Variants in HHAT observed in about 807,000 individuals in gnomAD.
HHAT encodes the protein protein-cysteine N-palmitoyltransferase HHAT.
In HHAT, 47 loss-of-function variants were observed where a neutral mutation model predicts 70.8. That is an observed-to-expected ratio of 0.66 (90% CI 0.53 to 0.85). The LOEUF (loss-of-function observed/expected upper bound fraction) is 0.85. Ranked by LOEUF, HHAT falls within the 40% of genes least tolerant of loss-of-function variation. The pLI is 0.00. For synonymous variants in HHAT, 228 were observed against 247.6 expected (o/e 0.92, Z 0.74); for missense variants, 609 against 604.8 (o/e 1.01, Z -0.07).
intron 1 of HHAT, among the ~76,000 whole-genome samples, chr1:210,348,730 T>TGTGTGC (rs1035020278): frequency 5.2e-5 from 5 of 96,930 alleles, no homozygotes; most frequent in Admixed American, 1.2e-4. Flanking sequence ...GTGTGGTGTA[T>TGTGTGC]GTGTGCGTGT....
At chr1:210,541,415 A>G (rs186053314) in intron 9 of HHAT, among the ~76,000 whole-genome samples, 4 of 152,288 alleles carry the variant, frequency 2.6e-5, no homozygotes, top group Admixed American at 1.3e-4. Context: ...ACAGGCAGAC[A>G]TAAAGCTTGA....
intron 2 of HHAT, among the ~76,000 whole-genome samples, chr1:210,358,318 C>T (rs932178167): frequency 6.6e-6 from 1 of 152,258 alleles, no homozygotes; most frequent in East Asian, 1.9e-4. Context: ...CTCAGAATTT[C>T]TCAGGTGAGT....
At chr1:210,443,487 T>C (rs2148367649) in intron 7 of HHAT, among the ~76,000 whole-genome samples, 1 of 139,344 alleles carries the variant, frequency 7.2e-6, no homozygotes, top group East Asian at 2.2e-4. Flanking sequence ...GCATGGAATG[T>C]TCTTCCATTT....
chr1:210,637,398 A>G (rs1027178138), intron 11 of HHAT, among the ~76,000 whole-genome samples: 2 of 152,238 alleles, frequency 1.3e-5, no homozygotes, highest in African/African-American at 4.8e-5. Flanking sequence ...AACAGAAGAA[A>G]AAATAGATCA....
At chr1:210,514,993 A>C (rs968983493) in intron 9 of HHAT, among the ~76,000 whole-genome samples, 8 of 152,136 alleles carry the variant, frequency 5.3e-5, no homozygotes, top group Non-Finnish European at 8.8e-5. Flanking sequence ...CTCTAATGTG[A>C]CTGAGACTGG....
At chr1:210,384,863 T>C (rs904541270) in intron 3 of HHAT, among the ~76,000 whole-genome samples, 1 of 152,242 alleles carries the variant, frequency 6.6e-6, no homozygotes, top group Non-Finnish European at 1.5e-5. Context: ...AATATTTTTC[T>C]TACCCAAATC....
intron 3 of HHAT, among the ~76,000 whole-genome samples, chr1:210,370,920 C>T (rs2148062769): frequency 6.6e-6 from 1 of 152,000 alleles, no homozygotes; most frequent in Admixed American, 6.5e-5. Flanking sequence ...GGCTGCAGAT[C>T]CTATTTTTAC....
At chr1:210,539,542 A>G (rs1432038570) in intron 9 of HHAT, among the ~76,000 whole-genome samples, 4 of 152,196 alleles carry the variant, frequency 2.6e-5, no homozygotes, top group African/African-American at 7.2e-5. Context: ...AACAGGGATG[A>G]GGTGGGCCAG....
chr1:210,365,309 G>GTT (rs4027290), intron 3 of HHAT, among the ~76,000 whole-genome samples: 13,029 of 77,584 alleles, frequency 0.17, 2,769 homozygotes, highest in African/African-American at 0.23. Context: ...ACTGCTGACA[G>GTT]TTTTTTTTTT....
chr1:210,611,678 C>T (rs1666614116), intron 10 of HHAT, among the ~76,000 whole-genome samples: 1 of 152,118 alleles, frequency 6.6e-6, no homozygotes, highest in Admixed American at 6.6e-5. Flanking sequence ...AGGTATGTTT[C>T]TTCAATACCT....
At chr1:210,490,601 C>T (rs575605966) in intron 8 of HHAT, among the ~76,000 whole-genome samples, 6 of 152,284 alleles carry the variant, frequency 3.9e-5, no homozygotes, top group African/African-American at 1.4e-4. Context: ...GGTTTGAAAT[C>T]CCCATGTGTC....
At chr1:210,562,722 G>T (rs2148712449) in intron 9 of HHAT, among the ~76,000 whole-genome samples, 1 of 151,198 alleles carries the variant, frequency 6.6e-6, no homozygotes, top group African/African-American at 2.4e-5. Context: ...AGTTACATAT[G>T]TATACACGTG....
At chr1:210,630,318 C>T (rs192477408) in intron 11 of HHAT, among the ~76,000 whole-genome samples, 15 of 152,232 alleles carry the variant, frequency 9.9e-5, no homozygotes, top group African/African-American at 3.4e-4. Flanking sequence ...CTAGAGGAGC[C>T]GTTACTCAGC....
In HHAT at chr1:210,366,174, A is replaced by G. The variant is rs375412360; in HGVS notation, c.159+3255A>G. On this transcript the variant is annotated intron_variant, in intron 3 of 11. Transcript: ENST00000261458. ...TGAACTCCTAGCCTCAGCCTTCCAA[A>G]GCACTGGGGTTACAGGTGTGAGCTA... Among the ~76,000 whole-genome samples, 11 of 152,168 alleles carry G rather than the reference A, an allele frequency of 7.2e-5. No individual in the cohort carries two copies. The East Asian group carries it at 2.1e-3, about 29-fold the overall frequency.
At chr1:210,637,689 G>A (rs191890013) in intron 11 of HHAT, among the ~76,000 whole-genome samples, 3 of 152,120 alleles carry the variant, frequency 2.0e-5, no homozygotes, top group East Asian at 1.9e-4. Flanking sequence ...TTGAAACCCC[G>A]TCTCCCCTAA....
intron 8 of HHAT, among the ~76,000 whole-genome samples, chr1:210,474,547 CTG>C (rs1173711874): frequency 6.6e-6 from 1 of 152,224 alleles, no homozygotes; most frequent in African/African-American, 2.4e-5. Context: ...TCATAAAATG[CTG>C]TCTTTTGCCA....
At chr1:210,664,760 T>G (rs1678530836) in intron 11 of HHAT, among the ~76,000 whole-genome samples, 1 of 152,172 alleles carries the variant, frequency 6.6e-6, no homozygotes, top group Non-Finnish European at 1.5e-5. Flanking sequence ...ATGTGACCCC[T>G]CTTTTTGTAG....
chr1:210,373,976 G>A (rs191571658), intron 3 of HHAT, among the ~76,000 whole-genome samples: 12 of 152,200 alleles, frequency 7.9e-5, no homozygotes, highest in African/African-American at 2.4e-4. Context: ...TGTCACCAGG[G>A]AAAGTTACAC....
rs1243669939 is a variant in HHAT at position 210,486,157 on chromosome 1, T to A, written c.1007+21502T>A. Reference sequence around the variant, plus strand: ...GGCACTTTTCATGGGTTTTCTTCTTTAATAACTTCTTACTACTCCCCTAAA... The same window carrying A: ...GGCACTTTTCATGGGTTTTCTTCTTAAATAACTTCTTACTACTCCCCTAAA... On this transcript the variant is annotated intron_variant, in intron 8 of 11. Coordinates refer to ENST00000261458, the MANE Select transcript of HHAT (RefSeq NM_018194.6). 4.6e-5 allele frequency among the ~76,000 whole-genome samples: 7 copies of A among 152,220 alleles called. No individual in the cohort carries two copies. The East Asian group carries it at 1.3e-3, about 29-fold the overall frequency.
Sources: allele counts gnomAD v4.1 joint callset (sites outside exome capture counted in the v4.1 genomes callset), GRCh38; gene constraint gnomAD v4.1.1; transcripts MANE v1.5; gene names NCBI Gene and HGNC (gene_info 2026-07-23, HGNC 2026-07-21).